The following SAP130 variants were observed in gnomAD, a reference collection of about 807,000 sequenced individuals.
SAP130 encodes histone deacetylase complex subunit SAP130.
A neutral mutation model predicts 103.2 loss-of-function variants in SAP130; 16 were observed. That is an observed-to-expected ratio of 0.16 (90% CI 0.10 to 0.24). The LOEUF is 0.24. Ranked by LOEUF, SAP130 falls within the 10% of genes least tolerant of loss-of-function variation. The probability of loss-of-function intolerance (pLI) is 1.00; values close to 1 mark genes in which losing one functional copy is unlikely to be tolerated. For synonymous variants in SAP130, 477 were observed against 497.0 expected, an observed-to-expected ratio of 0.96 and a Z score of 0.53; for missense variants, 990 against 1,359.7, an observed-to-expected ratio of 0.73 and a Z score of 4.28.
intron 16 of SAP130, among the ~76,000 whole-genome samples, chr2:127,952,515 T>C (rs1190657473): frequency 1.3e-5 from 2 of 151,972 alleles, no homozygotes; most frequent in African/African-American, 4.8e-5. Context: ...TTCTCTTCCT[T>C]TAGAACAAAT....
At chr2:127,998,119 A>T (rs1683298993) in intron 10 of SAP130, among the ~76,000 whole-genome samples, 1 of 152,022 alleles carries the variant, frequency 6.6e-6, no homozygotes, top group Non-Finnish European at 1.5e-5. Context: ...AAAAAAAAAA[A>T]AGAAAAAAAA....
chr2:127,997,379 G>A (rs1163242298), intron 10 of SAP130, among the ~76,000 whole-genome samples: 5 of 152,142 alleles, frequency 3.3e-5, no homozygotes, highest in South Asian at 2.1e-4. Context: ...GTAAAAACCC[G>A]TTACACCAGT....
chr2:128,011,490 G>A (rs902651031), intron 6 of SAP130, among the ~76,000 whole-genome samples: 3 of 152,032 alleles, frequency 2.0e-5, no homozygotes, highest in South Asian at 2.1e-4. Context: ...TTTACCTGCC[G>A]CTTCTACCAT....
intron 7 of SAP130, 99 bp from the exon 8 acceptor site, chr2:128,000,553 G>T: frequency 1.5e-6 from 2 of 1,357,254 alleles, no homozygotes; most frequent in Non-Finnish European, 1.0e-6. Flanking sequence ...GGTCTATGAA[G>T]TTCGGAGTTA....
At chr2:127,977,341 A>AG (rs1681536912) in intron 15 of SAP130, among the ~76,000 whole-genome samples, 1 of 149,896 alleles carries the variant, frequency 6.7e-6, no homozygotes, top group Non-Finnish European at 1.5e-5. Context: ...AATACAAAAA[A>AG]AAAAAAAAAA....
At chr2:127,987,808 G>C (rs150393007) in intron 13 of SAP130, among the ~76,000 whole-genome samples, 61 of 152,144 alleles carry the variant, frequency 4.0e-4, no homozygotes, top group Non-Finnish European at 6.6e-4. Context: ...ACCCTCCCCA[G>C]TCTATCTTTA....
At chr2:127,947,995 G>C (rs1329603846) in intron 18 of SAP130, among the ~76,000 whole-genome samples, 1 of 152,008 alleles carries the variant, frequency 6.6e-6, no homozygotes, top group African/African-American at 2.4e-5. Flanking sequence ...TCACCATGTT[G>C]GCCAAGCTGG....
At chr2:127,988,429 T>TAA (rs11380500) in intron 13 of SAP130, among the ~76,000 whole-genome samples, 8,537 of 126,226 alleles carry the variant, frequency 0.068, 406 homozygotes, top group Non-Finnish European at 0.1. Context: ...CTTGTCTTTT[T>TAA]AAAAAAAAAA....
intron 15 of SAP130, among the ~76,000 whole-genome samples, chr2:127,969,377 A>C (rs957940390): frequency 2.0e-5 from 3 of 152,198 alleles, no homozygotes; most frequent in Admixed American, 2.0e-4. Context: ...GTGAGTTAGC[A>C]CAAGTCAAGT....
rs765174110 is a variant in SAP130, at chr2:128,017,773, A to G, written c.255T>C (p.His85=). 2 of 1,614,228 alleles carry G rather than the reference A, an allele frequency of 1.2e-6. No individual in the cohort carries two copies. The highest frequency in any genetic ancestry group is 1.3e-5 in the African/African-American group (1 of 75,056). ...CAACAGGTGTGGCTGATGCGACAGC[A>G]TGGTGTGTCGACAACATCTGCACCT... ...YPQVQMLSTH[H]AVASATPVAV... The change falls in exon 3 of 21, where the codon CAT becomes CAC. Residue 85 remains histidine, a synonymous_variant. Coordinates refer to ENST00000643581, the MANE Select transcript of SAP130 (RefSeq NM_001330301.2).
chr2:127,995,226 C>A (rs1191543418), intron 11 of SAP130, among the ~76,000 whole-genome samples: 1 of 152,184 alleles, frequency 6.6e-6, no homozygotes, highest in Non-Finnish European at 1.5e-5. Context: ...AGGGCTAATG[C>A]CCAGATCTTG....
At chr2:127,945,296 G>A (rs949162127) in intron 19 of SAP130, among the ~76,000 whole-genome samples, 160 bp downstream of exon 19, 1 of 152,210 alleles carries the variant, frequency 6.6e-6, no homozygotes, top group Non-Finnish European at 1.5e-5. Flanking sequence ...ACATGTAACT[G>A]ACACAGTGTG....
At chr2:127,950,550 C>T (rs1236189167) in intron 16 of SAP130, 142 bp from the exon 17 acceptor site, 1 of 947,436 alleles carries the variant, frequency 1.1e-6, no homozygotes, top group Non-Finnish European at 1.6e-6. Context: ...TGGCACTGTG[C>T]TAAGCACTCT....
At chr2:128,000,222 G>C in intron 8 of SAP130, 76 bp from the exon 9 acceptor site, 5 of 1,601,022 alleles carry the variant, frequency 3.1e-6, no homozygotes, top group Non-Finnish European at 4.3e-6. Context: ...CAATGCCTTC[G>C]GTATCACCAG....
At chr2:127,992,401 C>T (rs1197229657) in intron 12 of SAP130, among the ~76,000 whole-genome samples, 1 of 152,014 alleles carries the variant, frequency 6.6e-6, no homozygotes, top group Admixed American at 6.6e-5. Flanking sequence ...CTGCTTTATC[C>T]TCCCAAGTAG....
At chr2:127,950,929 C>T (rs1375245654) in intron 16 of SAP130, among the ~76,000 whole-genome samples, 1 of 152,190 alleles carries the variant, frequency 6.6e-6, no homozygotes, top group Non-Finnish European at 1.5e-5. Context: ...ACACACCATC[C>T]CTGAACTGTT....
intron 19 of SAP130, among the ~76,000 whole-genome samples, chr2:127,944,194 G>A (rs779927310): frequency 1.6e-4 from 25 of 151,844 alleles, no homozygotes; most frequent in African/African-American, 4.6e-4. Flanking sequence ...CACTACACCC[G>A]GCTAATTAAA....
chr2:128,027,076 C>A, intron 1 of SAP130: 1 of 1,439,862 alleles, frequency 6.9e-7, no homozygotes, highest in Admixed American at 2.2e-5. Context: ...ACAAGACGAG[C>A]ACTGTGCCTC....
At chr2:128,006,391 C>T (rs370065661) in intron 7 of SAP130, among the ~76,000 whole-genome samples, 1 of 152,328 alleles carries the variant, frequency 6.6e-6, no homozygotes, top group Admixed American at 6.5e-5. Flanking sequence ...ATATGACTTA[C>T]ATTTTTCTGG....
Sources: gnomAD v4.1 joint callset for allele counts (sites outside exome capture counted in the v4.1 genomes callset) on GRCh38, gnomAD v4.1.1 for gene constraint, MANE v1.5 for transcripts, NCBI Gene and HGNC (gene_info 2026-07-23, HGNC 2026-07-21) for gene names.